Variants in SUGP1 observed in about 807,000 individuals in gnomAD.
SUGP1 encodes the protein SURP and G-patch domain containing 1, also known as SURP and G-patch domain-containing protein 1.
Under a neutral mutation model 76.5 loss-of-function variants are expected in SUGP1, and 34 were observed. The observed-to-expected ratio is 0.44, with a 90% confidence interval of 0.34 to 0.59. The LOEUF (loss-of-function observed/expected upper bound fraction) is 0.59. Ranked by LOEUF, SUGP1 falls within the 20% of genes least tolerant of loss-of-function variation. The pLI is 0.01. For synonymous variants in SUGP1, 326 were observed against 326.2 expected (o/e 1.00, Z 0.01); for missense variants, 752 against 851.7 (o/e 0.88, Z 1.46).
At chr19:19,293,858 A>G in intron 8 of SUGP1, among the ~76,000 whole-genome samples, 1 of 152,188 alleles carries the variant, frequency 6.6e-6, no homozygotes, top group East Asian at 1.9e-4. Flanking sequence ...CTGTTTGCAG[A>G]TAACACAAAC....
intron 1 of SUGP1, among the ~76,000 whole-genome samples, chr19:19,319,706 C>CAAAAAAAAAAAAAAAAAA (rs570232030): frequency 7.7e-4 from 53 of 69,132 alleles, no homozygotes; most frequent in Non-Finnish European, 1.0e-3. Context: ...GACCCTGTCT[C>CAAAAAAAAAAAAAAAAAA]AAAAAAAAAA....
intron 8 of SUGP1, among the ~76,000 whole-genome samples, chr19:19,291,509 C>T (rs911469013): frequency 5.9e-5 from 9 of 152,008 alleles, no homozygotes; most frequent in African/African-American, 1.7e-4. Flanking sequence ...GAACAAATTC[C>T]TAGAAACACA....
intron 1 of SUGP1, among the ~76,000 whole-genome samples, chr19:19,319,791 T>C (rs550586157): frequency 6.6e-6 from 1 of 150,798 alleles, no homozygotes; most frequent in East Asian, 2.0e-4. Flanking sequence ...ACTCTGATCA[T>C]ATCATACGTA....
chr19:19,302,204 C>T, intron 7 of SUGP1, 61 bp downstream of exon 7: 1 of 1,601,130 alleles, frequency 6.2e-7, no homozygotes, highest in South Asian at 1.1e-5. Context: ...ATCCAGTGTC[C>T]TCCCCTGCAG....
intron 8 of SUGP1, among the ~76,000 whole-genome samples, chr19:19,289,323 C>T (rs531701043): frequency 4.5e-4 from 68 of 151,818 alleles, no homozygotes; most frequent in Non-Finnish European, 8.8e-4. Flanking sequence ...CATACAGGGC[C>T]GGGCATGGTG....
chr19:19,278,076 C>T (rs1402074380), intron 11 of SUGP1, among the ~76,000 whole-genome samples, 197 bp from the exon 12 acceptor site: 1 of 152,192 alleles, frequency 6.6e-6, no homozygotes, highest in African/African-American at 2.4e-5. Context: ...TAGTGCCAAA[C>T]TGTGCACCCC....
chr19:19,308,683 T>A (rs988499886), intron 3 of SUGP1, among the ~76,000 whole-genome samples: 2 of 152,240 alleles, frequency 1.3e-5, no homozygotes, highest in South Asian at 2.1e-4. Context: ...GAAGACCTGC[T>A]CACCCCTGCT....
At chr19:19,316,399 T>A (rs1489259931) in intron 2 of SUGP1, 23 bp downstream of exon 2, 52 of 1,613,332 alleles carry the variant, frequency 3.2e-5, no homozygotes, top group Non-Finnish European at 4.4e-5. Flanking sequence ...CCAGGCCCCA[T>A]CCAGGCCCCA....
intron 7 of SUGP1, 56 bp from the exon 8 acceptor site, chr19:19,297,400 A>ATTCTGGGCAGAAGCAGTTCTGGCC (rs1555789317): frequency 2.2e-6 from 3 of 1,349,488 alleles, no homozygotes; most frequent in Non-Finnish European, 3.0e-6. Flanking sequence ...CCTGTCCCTG[A>ATTCTGGGCAGAAGCAGTTCTGGCC]TTCTGGGCAG....
chr19:19,304,589 T>C (rs1178165135), intron 4 of SUGP1, among the ~76,000 whole-genome samples: 1 of 152,228 alleles, frequency 6.6e-6, no homozygotes, highest in Non-Finnish European at 1.5e-5. Flanking sequence ...TATATACGGA[T>C]TAGCCTCCCC....
intron 7 of SUGP1, 118 bp from the exon 8 acceptor site, chr19:19,297,462 T>C: frequency 1.5e-6 from 1 of 677,966 alleles, no homozygotes; most frequent in South Asian, 3.4e-5. Flanking sequence ...TATATGGTCA[T>C]GTCATAGTCA....
intron 7 of SUGP1, among the ~76,000 whole-genome samples, chr19:19,299,827 TG>T (rs566593963): frequency 9.8e-4 from 149 of 152,098 alleles, no homozygotes; most frequent in Non-Finnish European, 1.9e-3. Context: ...GTTTCACTCT[TG>T]TTGCCCAGGC....
chr19:19,278,939 C>G (rs538222290), intron 10 of SUGP1, 143 bp from the exon 11 acceptor site: 5 of 857,592 alleles, frequency 5.8e-6, no homozygotes, highest in African/African-American at 3.4e-5. Context: ...GACCCCAGCC[C>G]GAGCCTCTGC....
At chr19:19,317,692 A>T (rs779935348) in intron 1 of SUGP1, among the ~76,000 whole-genome samples, 1 of 151,264 alleles carries the variant, frequency 6.6e-6, no homozygotes, top group African/African-American at 2.4e-5. Context: ...TAATTTTTAA[A>T]TTTTTTCATA....
chr19:19,310,666 C>CA lies in SUGP1; in HGVS notation c.207-467dup, dbSNP rs150110312. Among the ~76,000 whole-genome samples, 1,446 of 152,254 alleles carry CA rather than the reference C, an allele frequency of 9.5e-3. 24 individuals are homozygous for CA. Among genetic ancestry groups the CA allele is most frequent in the African/African-American group, 0.033 (1,358 of 41,546 alleles). ...TCCCTCTCTATCTATCTATCCGAAA[C>CA]AGAGTTTTACTCTGTCGCCCAGGCT... On this transcript the variant is annotated intron_variant, in intron 2 of 13. Transcript: ENST00000247001.
chr19:19,292,563 G>T, intron 8 of SUGP1, among the ~76,000 whole-genome samples: 1 of 152,072 alleles, frequency 6.6e-6, no homozygotes, highest in East Asian at 1.9e-4. Context: ...TTAGCCGGGT[G>T]TGGTGGTGGA....
intron 8 of SUGP1, among the ~76,000 whole-genome samples, chr19:19,291,889 T>TCACACACACACACACACACA (rs541521385): frequency 1.6e-5 from 2 of 128,636 alleles, no homozygotes; most frequent in South Asian, 2.9e-4. Flanking sequence ...TGAGACTCTG[T>TCACACACACACACACACACA]CACACACACA....
intron 8 of SUGP1, among the ~76,000 whole-genome samples, chr19:19,282,453 A>AC (rs1760887963): frequency 6.6e-6 from 1 of 151,756 alleles, no homozygotes; most frequent in Admixed American, 6.6e-5. Flanking sequence ...AAAAAAAAAA[A>AC]AAAAGAGACT....
At chr19:19,279,731 A>C (rs143050821) in intron 9 of SUGP1, among the ~76,000 whole-genome samples, 2,657 of 152,298 alleles carry the variant, frequency 0.017, 96 homozygotes, top group South Asian at 0.12. Context: ...GCAGCTCCTC[A>C]GGGGAGCCAA....
Sources: gnomAD v4.1 joint callset for allele counts (sites outside exome capture counted in the v4.1 genomes callset) on GRCh38, gnomAD v4.1.1 for gene constraint, MANE v1.5 for transcripts, NCBI Gene and HGNC (gene_info 2026-07-23, HGNC 2026-07-21) for gene names.